The following CFAP44 variants were observed in gnomAD, a reference collection of about 807,000 sequenced individuals.
The protein encoded by CFAP44 is cilia and flagella associated protein 44.
CFAP44 carries 134 observed loss-of-function variants against 216.2 expected under a neutral mutation model. That is an observed-to-expected ratio of 0.62 (90% CI 0.54 to 0.72). The LOEUF is 0.72. CFAP44 is among the 30% of genes least tolerant of loss of function. The probability of loss-of-function intolerance (pLI) is 0.00; values close to 1 mark genes in which losing one functional copy is unlikely to be tolerated. For synonymous variants in CFAP44, 700 were observed against 727.6 expected (o/e 0.96, Z 0.61); for missense variants, 2,035 against 2,182.1 (o/e 0.93, Z 1.34).
Position 113,286,930 on chromosome 3 carries a change from GAC to G in CFAP44, c.*4625_*4626del, listed in dbSNP as rs768687377. The G allele has an allele frequency of 2.4e-4, 327 of 1,378,466 alleles. 8 individuals carry two copies. In the South Asian group the frequency reaches 4.4e-3, roughly 19 times the overall value. 85.4% of individuals were successfully genotyped at this position (1,378,466 alleles called of 1,614,324 possible). On this transcript the variant is annotated 3_prime_UTR_variant, in exon 35 of 35. Coordinates refer to ENST00000393845, the MANE Select transcript of CFAP44 (RefSeq NM_001164496.2). ...TTAAAAAAAAAAAGAAGAAAAAAGA[GAC>G]AGAGAAAATTGGTATTTATTTTTCT...
chr3:113,300,533 T>A (rs1949924741), intron 32 of CFAP44, among the ~76,000 whole-genome samples: 1 of 151,144 alleles, frequency 6.6e-6, no homozygotes, highest in Non-Finnish European at 1.5e-5. Flanking sequence ...TGAAAACAAA[T>A]TTTTAATTAT....
In CFAP44 at chr3:113,360,898, C is replaced by A; in HGVS notation, c.2935-2023G>T. ...TCTTTTTGTGTGGTGGAAACTGGCTCTCTTGGGGAAGCTTGATGCTACTAA... is the reference window on the plus strand; with the variant it reads ...TCTTTTTGTGTGGTGGAAACTGGCTATCTTGGGGAAGCTTGATGCTACTAA... On this transcript the variant is annotated intron_variant, in intron 21 of 34. Coordinates refer to ENST00000393845, the MANE Select transcript of CFAP44 (RefSeq NM_001164496.2). The A allele has an allele frequency of 1.5e-5, 3 of 203,568 alleles. No homozygotes were observed. The South Asian group carries it at 2.3e-4, about 16-fold the overall frequency. The allele number at this position is 203,568 out of a possible 1,614,324, so 12.6% of individuals were successfully genotyped here.
chr3:113,411,615 T>C (rs867940667), intron 6 of CFAP44, among the ~76,000 whole-genome samples: 5 of 152,196 alleles, frequency 3.3e-5, no homozygotes, highest in Non-Finnish European at 5.9e-5. Context: ...CTTAGGATTG[T>C]CTTGGCAATG....
intron 15 of CFAP44, among the ~76,000 whole-genome samples, chr3:113,391,009 A>G (rs1933824307): frequency 6.6e-6 from 1 of 152,176 alleles, no homozygotes; most frequent in Non-Finnish European, 1.5e-5. Flanking sequence ...ATTTATACAG[A>G]ATCACAAAAG....
chr3:113,406,156 A>G (rs1180202790), intron 8 of CFAP44, among the ~76,000 whole-genome samples: 2 of 152,210 alleles, frequency 1.3e-5, no homozygotes, highest in South Asian at 2.1e-4. Flanking sequence ...GAAACTAACA[A>G]TATTAAAGAA....
chr3:113,406,784 T>G (rs1333022419), intron 8 of CFAP44, 143 bp downstream of exon 8: 7 of 569,984 alleles, frequency 1.2e-5, no homozygotes, highest in Middle Eastern at 3.8e-4. Context: ...CAATTGATAA[T>G]TGAAGAAGTA....
intron 28 of CFAP44, among the ~76,000 whole-genome samples, chr3:113,309,449 G>A (rs1559906971): frequency 6.6e-6 from 1 of 152,020 alleles, no homozygotes; most frequent in Non-Finnish European, 1.5e-5. Context: ...CATTATAGTA[G>A]CCCCCCTGAA....
At chr3:113,406,455 T>C (rs1434026004) in intron 8 of CFAP44, among the ~76,000 whole-genome samples, 1 of 152,078 alleles carries the variant, frequency 6.6e-6, no homozygotes, top group African/African-American at 2.4e-5. Context: ...AAACCCCGTC[T>C]CTACTAAAAA....
In CFAP44 at chr3:113,441,476, CCT is replaced by C. The variant is rs146017167; in HGVS notation, c.-31_-30del. The C allele has an allele frequency of 9.1e-3, 9,004 of 985,448 alleles. 627 individuals carry two copies. In the African/African-American group the frequency reaches 0.15, roughly 16 times the overall value. 61.0% of individuals were successfully genotyped at this position (985,448 alleles called of 1,614,324 possible). A position where few individuals can be genotyped will look rare whatever the true frequency, so the allele number is the denominator to read the frequency against. Reference sequence around the variant, plus strand: ...ACCGAAGGTACTGACCGCCGCGGCTCCTCTCTTCACAGCGTCTGCCGGAGGCC... The same window carrying C: ...ACCGAAGGTACTGACCGCCGCGGCTCCTCTTCACAGCGTCTGCCGGAGGCC... On this transcript the variant is annotated 5_prime_UTR_variant, in exon 1 of 35. Coordinates refer to ENST00000393845, the MANE Select transcript of CFAP44 (RefSeq NM_001164496.2).
At chr3:113,436,610 T>C (rs1008420056) in intron 1 of CFAP44, among the ~76,000 whole-genome samples, 1 of 152,202 alleles carries the variant, frequency 6.6e-6, no homozygotes, top group South Asian at 2.1e-4. Context: ...TGACTATGAT[T>C]GATCGATAAT....
intron 19 of CFAP44, among the ~76,000 whole-genome samples, chr3:113,365,545 G>C (rs1207945614): frequency 6.6e-6 from 1 of 152,058 alleles, no homozygotes; most frequent in Non-Finnish European, 1.5e-5. Context: ...CAAAAATCTA[G>C]TTCTGCTTTT....
rs1223599631 is a variant in CFAP44, at chr3:113,366,293, T to C, written c.2461A>G (p.Met821Val). 1 of 1,598,292 alleles carries C rather than the reference T, an allele frequency of 6.3e-7. No individual in the cohort carries two copies. The highest frequency in any genetic ancestry group is 1.3e-5 in the African/African-American group (1 of 74,630). Reference protein sequence around the residue: ...TITFNINKVMMFCGMKNGAIR... With the variant: ...TITFNINKVMVFCGMKNGAIR... ...GCTCCATTTTTCATTCCACAAAACA[T>C]CATAACTTTGTTAATGCTACGAAAC... Residue 821 changes from methionine to valine, a missense_variant, in exon 19 of 35, where the codon ATG (methionine) becomes GTG (valine). By Grantham distance (21) the Met-to-Val change is conservative. Coordinates refer to ENST00000393845, the MANE Select transcript of CFAP44 (RefSeq NM_001164496.2).
At chr3:113,432,881 A>C (rs925043601) in intron 2 of CFAP44, among the ~76,000 whole-genome samples, 11 of 152,278 alleles carry the variant, frequency 7.2e-5, no homozygotes, top group African/African-American at 2.6e-4. Context: ...CACTCAGTTC[A>C]ATTTTCTACA....
chr3:113,302,279 C>T (rs971198210), intron 32 of CFAP44, among the ~76,000 whole-genome samples: 1 of 151,744 alleles, frequency 6.6e-6, no homozygotes, highest in Non-Finnish European at 1.5e-5. Flanking sequence ...AATTTCATTT[C>T]CCAGTAGTGG....
At chr3:113,330,091 T>C in intron 26 of CFAP44, 77 bp downstream of exon 26, 1 of 1,432,768 alleles carries the variant, frequency 7.0e-7, no homozygotes, top group Non-Finnish European at 9.1e-7. Context: ...TTTAAATAAA[T>C]AAACAAAAAA....
Position 113,308,226 on chromosome 3 carries a change from C to G in CFAP44, c.4559G>C (p.Ser1520Thr), listed in dbSNP as rs910589729. 1.3e-6 allele frequency: 2 copies of G among 1,536,328 alleles called. No homozygotes were observed. The highest frequency in any genetic ancestry group is 2.7e-5 in the African/African-American group (2 of 72,992). ...ESEESSEEES[S>T]LESDEDESES... Reference sequence around the variant, plus strand: ...AGACTCATCTTCATCACTCTCCAAGCTAGATTCTTCTTCACTTGATTCCTC... The same window carrying G: ...AGACTCATCTTCATCACTCTCCAAGGTAGATTCTTCTTCACTTGATTCCTC... Residue 1520 changes from serine (S) to threonine (T), a missense_variant, in exon 29 of 35, where the codon AGC becomes ACC. Physicochemically the swap from Ser to Thr is moderately conservative, Grantham distance 58. Coordinates refer to ENST00000393845, the MANE Select transcript of CFAP44 (RefSeq NM_001164496.2).
At position 113,384,172 on chromosome 3, in the gene CFAP44, C is replaced by T. The variant is rs545223646; in HGVS notation, c.1891-3112G>A. ...CTCATGGGTTTACACCATTCTCCTG[C>T]CTCAGCCTCCCAAGTAGGTGGGACT... On this transcript the variant is annotated intron_variant, in intron 15 of 34. Coordinates refer to ENST00000393845, the MANE Select transcript of CFAP44 (RefSeq NM_001164496.2). Among the ~76,000 whole-genome samples, 4 of 152,190 alleles carry T rather than the reference C, an allele frequency of 2.6e-5. No homozygotes were observed. In the South Asian group the frequency reaches 8.3e-4, roughly 32 times the overall value.
intron 1 of CFAP44, among the ~76,000 whole-genome samples, chr3:113,437,564 GGTT>G (rs1436465458): frequency 6.6e-6 from 1 of 152,140 alleles, no homozygotes. Context: ...GTTAATGTCA[GGTT>G]GTGTACAATG....
rs547666765 is a variant in CFAP44 at position 113,386,300 on chromosome 3, T to A, written c.1891-5240A>T. Among the ~76,000 whole-genome samples the A allele has an allele frequency of 1.4e-4, 21 of 152,336 alleles. No homozygotes were observed. The Middle Eastern group carries it at 0.014, about 99-fold the overall frequency. On this transcript the variant is annotated intron_variant, in intron 15 of 34. Transcript: ENST00000393845. ...CAACCAAGTTGGGTCTTATTTTTTTTATTCATTCAGCTTCTCTATGTCTTT... is the reference window on the plus strand; with the variant it reads ...CAACCAAGTTGGGTCTTATTTTTTTAATTCATTCAGCTTCTCTATGTCTTT...
Sources: gnomAD v4.1 joint callset for allele counts (sites outside exome capture counted in the v4.1 genomes callset) on GRCh38, gnomAD v4.1.1 for gene constraint, MANE v1.5 for transcripts, NCBI Gene and HGNC (gene_info 2026-07-23, HGNC 2026-07-21) for gene names.